Variants in MAN2A1 observed in about 807,000 individuals in gnomAD.
MAN2A1 encodes mannosidase alpha class 2A member 1.
In MAN2A1, 76 loss-of-function variants were observed where a neutral mutation model predicts 142.6. That is an observed-to-expected ratio of 0.53 (90% CI 0.44 to 0.65). MAN2A1 has a LOEUF of 0.65. MAN2A1 is among the 30% of genes least tolerant of loss of function. MAN2A1 has a pLI of 0.00. For missense variants in MAN2A1, 1,311 were observed against 1,365.1 expected, an observed-to-expected ratio of 0.96 and a Z score of 0.62; for synonymous variants, 559 against 473.2, an observed-to-expected ratio of 1.18 and a Z score of -2.35.
intron 1 of MAN2A1, among the ~76,000 whole-genome samples, chr5:109,693,367 T>C (rs1328211604): frequency 6.6e-6 from 1 of 151,922 alleles, no homozygotes; most frequent in Non-Finnish European, 1.5e-5. Flanking sequence ...GTTTGGGTAT[T>C]GAATTCTTGA....
chr5:109,828,860 G>T (rs1754830055), intron 16 of MAN2A1, among the ~76,000 whole-genome samples: 1 of 152,158 alleles, frequency 6.6e-6, no homozygotes, highest in Admixed American at 6.5e-5. Context: ...TGACTGAAAT[G>T]ACTGATTTTC....
chr5:109,778,859 AAAAGT>A (rs1753368050), intron 8 of MAN2A1, among the ~76,000 whole-genome samples: 1 of 152,152 alleles, frequency 6.6e-6, no homozygotes, highest in Non-Finnish European at 1.5e-5. Context: ...ACTGGAGAAC[AAAAGT>A]AAATAACTGA....
intron 17 of MAN2A1, among the ~76,000 whole-genome samples, chr5:109,844,242 TA>T (rs1457818383): frequency 5.9e-5 from 9 of 152,168 alleles, no homozygotes; most frequent in African/African-American, 2.2e-4. Context: ...AACGTTTGAC[TA>T]AAAAAGAAAA....
chr5:109,811,111 A>T (rs1425280025), intron 12 of MAN2A1, among the ~76,000 whole-genome samples: 1 of 151,994 alleles, frequency 6.6e-6, no homozygotes, highest in African/African-American at 2.4e-5. Flanking sequence ...ATGGCTAGAA[A>T]GACCTTTTGT....
At chr5:109,758,876 G>C (rs1178940456) in intron 5 of MAN2A1, among the ~76,000 whole-genome samples, 2 of 151,734 alleles carry the variant, frequency 1.3e-5, no homozygotes, top group African/African-American at 4.8e-5. Flanking sequence ...GAATTGTCCT[G>C]GCACACTTGT....
In MAN2A1 at chr5:109,865,704, C is replaced by T. The variant is rs562477944; in HGVS notation, c.3282+558C>T. On this transcript the variant is annotated intron_variant, in intron 21 of 21. Transcript: ENST00000261483. ...TGGTCTTCTGATTAATGCAGATTTGCATATGAGTCAACACACCGTGCAGGC... is the reference window on the plus strand; with the variant it reads ...TGGTCTTCTGATTAATGCAGATTTGTATATGAGTCAACACACCGTGCAGGC... Among the ~76,000 whole-genome samples the T allele has an allele frequency of 2.0e-5, 3 of 152,336 alleles. No homozygotes were observed. The South Asian group carries it at 6.2e-4, about 32-fold the overall frequency.
chr5:109,738,272 T>G (rs1464214879), intron 4 of MAN2A1, among the ~76,000 whole-genome samples: 1 of 151,584 alleles, frequency 6.6e-6, no homozygotes, highest in African/African-American at 2.4e-5. Context: ...CTGATCTTTG[T>G]TGGCTTCTGT....
At chr5:109,856,080 G>C (rs1184168117) in intron 20 of MAN2A1, among the ~76,000 whole-genome samples, 1 of 152,002 alleles carries the variant, frequency 6.6e-6, no homozygotes, top group Non-Finnish European at 1.5e-5. Context: ...GTTTAATGTA[G>C]AACAAAGAAC....
At chr5:109,832,327 T>C (rs1754932952) in intron 16 of MAN2A1, among the ~76,000 whole-genome samples, 1 of 152,062 alleles carries the variant, frequency 6.6e-6, no homozygotes, top group South Asian at 2.1e-4. Flanking sequence ...TGCTGCCTTC[T>C]GCAGTTTTTG....
chr5:109,802,079 G>C (rs748698680), intron 12 of MAN2A1, among the ~76,000 whole-genome samples: 5 of 152,066 alleles, frequency 3.3e-5, no homozygotes, highest in African/African-American at 4.8e-5. Context: ...CACTGTACTG[G>C]TATGTGTTCA....
rs1753558529 is a variant in MAN2A1, at chr5:109,784,942, A to G, written c.1760+16A>G. Reference sequence around the variant, plus strand: ...ATGGTACCAGGTAATCTAATTATAGAAAAATCATCTTTAAAAAAATCATTA... The same window carrying G: ...ATGGTACCAGGTAATCTAATTATAGGAAAATCATCTTTAAAAAAATCATTA... On this transcript the variant is annotated intron_variant, in intron 10 of 21. Transcript: ENST00000261483. The G allele has an allele frequency of 6.5e-7, 1 of 1,546,094 alleles. No homozygotes were observed. Among genetic ancestry groups the G allele is most frequent in the African/African-American group, 1.4e-5 (1 of 71,784 alleles).
intron 4 of MAN2A1, among the ~76,000 whole-genome samples, chr5:109,747,801 C>T (rs563854851): frequency 1.3e-5 from 2 of 152,260 alleles, no homozygotes; most frequent in African/African-American, 4.8e-5. Flanking sequence ...AGTATAAGGA[C>T]ATGTGTAATA....
chr5:109,846,654 A>G (rs1755351387), intron 18 of MAN2A1, among the ~76,000 whole-genome samples: 1 of 152,164 alleles, frequency 6.6e-6, no homozygotes, highest in Admixed American at 6.5e-5. Context: ...CTTACATTCT[A>G]AGAGTTGGTA....
rs1750623015 is a variant in MAN2A1, at chr5:109,690,197, C to T, written c.-221C>T. 1.9e-6 allele frequency: 1 copy of T among 516,868 alleles called. No individual in the cohort carries two copies. The highest frequency in any genetic ancestry group is 3.5e-6 in the Non-Finnish European group (1 of 286,972). 32.0% of individuals were successfully genotyped at this position (516,868 alleles called of 1,614,324 possible). A position where few individuals can be genotyped will look rare whatever the true frequency, so the allele number is the denominator to read the frequency against. The stretch of plus-strand genomic sequence containing the variant: ...GGCGAGTCTCGCCTCGAGAGGGGCG[C>T]CCGACCCCGGGGAGGGCGGCAGGCC... On this transcript the variant is annotated 5_prime_UTR_variant, in exon 1 of 22. Coordinates refer to ENST00000261483, the MANE Select transcript of MAN2A1 (RefSeq NM_002372.4).
At chr5:109,791,589 G>A (rs1753738957) in intron 12 of MAN2A1, among the ~76,000 whole-genome samples, 5 of 151,786 alleles carry the variant, frequency 3.3e-5, no homozygotes, top group Non-Finnish European at 7.4e-5. Flanking sequence ...TCCTGTTTGA[G>A]TAACAAATTA....
At chr5:109,782,766 T>A (rs1340369466) in intron 9 of MAN2A1, among the ~76,000 whole-genome samples, 1 of 152,118 alleles carries the variant, frequency 6.6e-6, no homozygotes, top group Admixed American at 6.6e-5. Flanking sequence ...TGTCTCATTT[T>A]AAAAAATTAT....
At chr5:109,691,362 G>C (rs1750666948) in intron 1 of MAN2A1, among the ~76,000 whole-genome samples, 1 of 152,196 alleles carries the variant, frequency 6.6e-6, no homozygotes, top group African/African-American at 2.4e-5. Flanking sequence ...TCAGTTTCAA[G>C]TTACTTGCCA....
At chr5:109,798,582 A>G (rs1425937183) in intron 12 of MAN2A1, among the ~76,000 whole-genome samples, 1 of 152,204 alleles carries the variant, frequency 6.6e-6, no homozygotes, top group African/African-American at 2.4e-5. Context: ...TGGACAATAA[A>G]TTATGGGGCT....
At chr5:109,818,159 A>T (rs1754519836) in intron 13 of MAN2A1, among the ~76,000 whole-genome samples, 1 of 151,934 alleles carries the variant, frequency 6.6e-6, no homozygotes, top group Non-Finnish European at 1.5e-5. Flanking sequence ...ATTATTTTTG[A>T]GACAGAATTT....
Sources: allele counts gnomAD v4.1 joint callset (sites outside exome capture counted in the v4.1 genomes callset), GRCh38; gene constraint gnomAD v4.1.1; transcripts MANE v1.5; gene names NCBI Gene and HGNC (gene_info 2026-07-23, HGNC 2026-07-21).